The following CCNJ variants were observed in gnomAD, a reference collection of about 807,000 sequenced individuals.
The protein encoded by CCNJ is cyclin-J.
CCNJ carries 12 observed loss-of-function variants against 41.4 expected under a neutral mutation model. The ratio of observed to expected loss-of-function variants is 0.29; its 90% CI spans 0.19 to 0.47. The LOEUF (loss-of-function observed/expected upper bound fraction) is 0.47, where lower values mean the gene tolerates loss of function less well. Among genes scored for constraint, CCNJ ranks in the 20% least tolerant of loss-of-function variants. The pLI is 1.00. For missense variants in CCNJ, 340 were observed against 464.6 expected (o/e 0.73, Z 2.47); for synonymous variants, 161 against 173.4 (o/e 0.93, Z 0.56).
rs2080755604 is a variant in CCNJ at position 96,058,617 on chromosome 10, T to C, written c.*376T>C. 2.4e-6 allele frequency: 1 copy of C among 411,110 alleles called. No individual in the cohort carries two copies. The highest frequency in any genetic ancestry group is 2.0e-5 in the African/African-American group (1 of 48,982). 25.5% of individuals were successfully genotyped at this position (411,110 alleles called of 1,614,324 possible). A position where few individuals can be genotyped will look rare whatever the true frequency, so the allele number is the denominator to read the frequency against. ...GCTTCTAAGTCAAAGACTAAATGTT[T>C]ATCTCATCTATGGACTTGCCAAACA... On this transcript the variant is annotated 3_prime_UTR_variant, in exon 6 of 6. Transcript: ENST00000465148.
chr10:96,060,310 TTTTA>T lies in CCNJ; in HGVS notation c.*2072_*2075del, dbSNP rs2080789520. 6.6e-6 allele frequency: 1 copy of T among 152,634 alleles called. No individual in the cohort carries two copies. Among genetic ancestry groups the T allele is most frequent in the Admixed American group, 6.5e-5 (1 of 15,286 alleles). The allele number at this position is 152,634 out of a possible 1,614,324, so 9.5% of individuals were successfully genotyped here. On this transcript the variant is annotated 3_prime_UTR_variant, in exon 6 of 6. Transcript: ENST00000465148. ...GGTAACTTAATGTCTTGTCAAATAC[TTTTA>T]TTGATTGGTTTATATGCCATTCTTG... is the stretch of plus-strand genomic sequence containing the variant.
chr10:96,048,131 T>C (rs1051505958), intron 2 of CCNJ, among the ~76,000 whole-genome samples: 1 of 152,234 alleles, frequency 6.6e-6, no homozygotes, highest in African/African-American at 2.4e-5. Flanking sequence ...TTCCTTTTCA[T>C]GGCTGCACAG....
At chr10:96,048,582 A>T (rs1590996409) in intron 2 of CCNJ, among the ~76,000 whole-genome samples, 1 of 152,286 alleles carries the variant, frequency 6.6e-6, no homozygotes, top group East Asian at 1.9e-4. Context: ...ATACCCATTG[A>T]ACGATTACTC....
At chr10:96,050,612 G>A in intron 3 of CCNJ, 146 bp downstream of exon 3, 2 of 653,870 alleles carry the variant, frequency 3.1e-6, no homozygotes, top group South Asian at 4.1e-5. Flanking sequence ...GTGCTTCTCA[G>A]TGTAATAATT....
chr10:96,044,326 T>C, intron 1 of CCNJ, 27 bp from the exon 2 acceptor site: 1 of 1,298,092 alleles, frequency 7.7e-7, no homozygotes, highest in East Asian at 2.8e-5. Flanking sequence ...GAGCCGGCAG[T>C]GACCGCGCCT....
rs149610575 is a variant in CCNJ, at chr10:96,049,830, A to G, written c.70-426A>G. On this transcript the variant is annotated intron_variant, in intron 2 of 5. Transcript: ENST00000465148. ...CTTTCTACACTGTTGCAAGTATAAT[A>G]CTGTATGCAGCATATCCACTTATCT... 7.9e-5 allele frequency among the ~76,000 whole-genome samples: 12 copies of G among 152,276 alleles called. No homozygotes were observed. The East Asian group carries it at 2.3e-3, about 29-fold the overall frequency.
intron 3 of CCNJ, among the ~76,000 whole-genome samples, chr10:96,054,173 A>G (rs2080612230): frequency 6.6e-6 from 1 of 152,216 alleles, no homozygotes; most frequent in Admixed American, 6.5e-5. Flanking sequence ...TGGGAAGCAG[A>G]TATGAATTTC....
chr10:96,058,136 A>C lies in CCNJ; in HGVS notation c.1047A>C (p.Ser349=), dbSNP rs761370799. The C allele has an allele frequency of 1.2e-6, 2 of 1,614,156 alleles. No individual in the cohort carries two copies. The highest frequency in any genetic ancestry group is 1.7e-6 in the Non-Finnish European group (2 of 1,179,976). The stretch of plus-strand genomic sequence containing the variant: ...ACATGCAGACTGGTGTTGGGATGTC[A>C]CTGGCAATACCAGTAGAAGTTAAGC... ...LGHMQTGVGM[S]LAIPVEVKPC... is the part of the protein sequence containing the mutation. Residue 349 remains serine (S), a synonymous_variant, in exon 6 of 6, where the codon TCA becomes TCC. Transcript: ENST00000465148.
chr10:96,059,382 CTGA>C lies in CCNJ; in HGVS notation c.*1145_*1147del, dbSNP rs1235576442. 2.6e-5 allele frequency: 4 copies of C among 152,658 alleles called. No homozygotes were observed. Among genetic ancestry groups the C allele is most frequent in the Non-Finnish European group, 5.9e-5 (4 of 68,048 alleles). 9.5% of individuals were successfully genotyped at this position (152,658 alleles called of 1,614,324 possible). ...AGTCAGTCTAAGCAGGCAAAGGTAA[CTGA>C]TGACTAAATTTCAGTAGCTACTTTC... is the stretch of plus-strand genomic sequence containing the variant. On this transcript the variant is annotated 3_prime_UTR_variant, in exon 6 of 6. Transcript: ENST00000465148.
chr10:96,046,547 A>G (rs903738284), intron 2 of CCNJ, among the ~76,000 whole-genome samples: 1 of 152,246 alleles, frequency 6.6e-6, no homozygotes, highest in African/African-American at 2.4e-5. Context: ...GAGCAATAAC[A>G]GTGAACGAGA....
chr10:96,044,795 C>T (rs1167007106), intron 2 of CCNJ, among the ~76,000 whole-genome samples: 1 of 152,118 alleles, frequency 6.6e-6, no homozygotes. Context: ...CCTCTTTGTT[C>T]GAGAGTTGCC....
upstream of CCNJ, chr10:96,043,528 G>C (rs2080270015): frequency 2.0e-5 from 8 of 393,580 alleles, 1 homozygote; most frequent in South Asian, 1.0e-3. Flanking sequence ...GGCAGCGGCG[G>C]GGCCTCAAGT....
At chr10:96,046,866 G>A (rs941388336) in intron 2 of CCNJ, among the ~76,000 whole-genome samples, 6 of 152,108 alleles carry the variant, frequency 3.9e-5, no homozygotes. Flanking sequence ...AGGCTGTTTG[G>A]GAAAGTGTTT....
Position 96,057,950 on chromosome 10 carries a change from AC to A in CCNJ, c.863del (p.Pro288LeufsTer67). 1 of 1,614,178 alleles carries A rather than the reference AC, an allele frequency of 6.2e-7. No individual in the cohort carries two copies. Among genetic ancestry groups the A allele is most frequent in the Non-Finnish European group, 8.5e-7 (1 of 1,180,030 alleles). On this transcript the variant is annotated frameshift_variant, in exon 6 of 6. Transcript: ENST00000465148. LOFTEE classifies it high-confidence loss of function. ...QPSRPVHFQQPQYLHQTHQTS... is the reference protein window; with the variant it reads ...QPSRPVHFQQXQYLHQTHQTS... ...CATCACGGCCAGTTCACTTTCAGCA[AC>A]CTCAGTATCTCCATCAGACACATCA...
chr10:96,048,637 T>C (rs1011846785), intron 2 of CCNJ, among the ~76,000 whole-genome samples: 25 of 152,252 alleles, frequency 1.6e-4, no homozygotes, highest in African/African-American at 6.0e-4. Context: ...TATTCTACTT[T>C]GTCCCTGTAA....
rs371014370 is a variant in CCNJ, at chr10:96,058,095, G to A, written c.1006G>A (p.Val336Ile). The A allele has an allele frequency of 4.1e-5, 66 of 1,614,042 alleles. No individual in the cohort carries two copies. The Admixed American group carries it at 1.0e-3, about 26-fold the overall frequency. The change falls in exon 6 of 6, where the codon GTT (valine) becomes ATT (isoleucine). Residue 336 changes from valine (V) to isoleucine (I), a missense_variant. Around this residue, in one of 3 missense-constraint regions of CCNJ, gnomAD observed 159 missense variants for 168.2 expected, o/e 0.95. Coordinates refer to ENST00000465148, the MANE Select transcript of CCNJ (RefSeq NM_001134375.2). ...ATGTCCTGCTGGCTTCCAAACTAGT[G>A]TTCAGGGCCTTGGGCACATGCAGAC... ...QTCPAGFQTS[V>I]QGLGHMQTGV...
chr10:96,043,539 GC>G (rs977110155), upstream of CCNJ: 2 of 394,092 alleles, frequency 5.1e-6, no homozygotes, highest in South Asian at 1.3e-4. Flanking sequence ...GGCCTCAAGT[GC>G]CCCCGCGCTG....
At chr10:96,056,322 A>AC (rs2142066570) in intron 3 of CCNJ, among the ~76,000 whole-genome samples, 1 of 151,806 alleles carries the variant, frequency 6.6e-6, no homozygotes, top group South Asian at 2.1e-4. Context: ...AAAAAAAAAA[A>AC]CTATCTTCTA....
rs528928165 is a variant in CCNJ, at chr10:96,044,927, AATAATG to A, written c.69+467_69+472del. On this transcript the variant is annotated intron_variant, in intron 2 of 5. Coordinates refer to ENST00000465148, the MANE Select transcript of CCNJ (RefSeq NM_001134375.2). ...TGATTTCCTCATCTGTAAAATGAGG[AATAATG>A]AGTGTGCCTTATGATTCTGGCGATT... Among the ~76,000 whole-genome samples, 179 of 152,312 alleles carry A rather than the reference AATAATG, an allele frequency of 1.2e-3. 1 individual carries two copies. The highest frequency in any genetic ancestry group is 4.0e-3 in the African/African-American group (168 of 41,556).
Sources: allele counts gnomAD v4.1 joint callset (sites outside exome capture counted in the v4.1 genomes callset), GRCh38; gene constraint gnomAD v4.1.1; regional missense constraint gnomAD v4.1.1; transcripts MANE v1.5; gene names NCBI Gene and HGNC (gene_info 2026-07-23, HGNC 2026-07-21).